The following DIAPH2 variants were observed in gnomAD, a reference collection of about 807,000 sequenced individuals.
DIAPH2 encodes the protein protein diaphanous homolog 2.
A neutral mutation model predicts 92.7 loss-of-function variants in DIAPH2; 35 were observed. That is an observed-to-expected ratio of 0.38 (90% CI 0.29 to 0.50). The LOEUF (loss-of-function observed/expected upper bound fraction) is 0.50. DIAPH2 is among the 20% of genes least tolerant of loss of function. The probability of loss-of-function intolerance (pLI) is 0.94; values close to 1 mark genes in which losing one functional copy is unlikely to be tolerated. For missense variants in DIAPH2, 701 were observed against 819.5 expected, an observed-to-expected ratio of 0.86 and a Z score of 1.77; for synonymous variants, 301 against 280.4, an observed-to-expected ratio of 1.07 and a Z score of -0.73.
intron 26 of DIAPH2, among the ~76,000 whole-genome samples, chrX:97,485,951 C>T (rs980028005): frequency 9.2e-6 from 1 of 108,186 alleles, no homozygotes; most frequent in African/African-American, 3.4e-5. Context: ...CCCACTTCTA[C>T]AAAAAAGTCT....
At chrX:97,297,273 A>G (rs1324400530) in intron 23 of DIAPH2, among the ~76,000 whole-genome samples, 2 of 109,105 alleles carry the variant, frequency 1.8e-5, no homozygotes, top group African/African-American at 6.7e-5. Flanking sequence ...CTTAAAGAGC[A>G]TATCCAAATG....
At chrX:96,744,031 G>C (rs1372431815) in intron 3 of DIAPH2, among the ~76,000 whole-genome samples, 2 of 111,316 alleles carry the variant, frequency 1.8e-5, no homozygotes, top group African/African-American at 6.5e-5. Flanking sequence ...AATATAATAG[G>C]ATATCAGAGA....
intron 4 of DIAPH2, among the ~76,000 whole-genome samples, chrX:96,875,465 T>C (rs1447239788): frequency 2.7e-5 from 3 of 112,101 alleles, no homozygotes; most frequent in Non-Finnish European, 5.6e-5. Context: ...AGTAAACTTA[T>C]TTAAATTTTT....
At chrX:96,757,206 C>T (rs527898784) in intron 3 of DIAPH2, among the ~76,000 whole-genome samples, 1 of 111,442 alleles carries the variant, frequency 9.0e-6, no homozygotes, top group African/African-American at 3.3e-5. Flanking sequence ...TGTGAGCCAC[C>T]GTGCCTGGCC....
At chrX:97,527,814 C>G (rs779714672) in intron 26 of DIAPH2, among the ~76,000 whole-genome samples, 24 of 111,876 alleles carry the variant, frequency 2.1e-4, no homozygotes, top group Middle Eastern at 4.6e-3. Flanking sequence ...GGCTCATGAG[C>G]ATTTTTGAAG....
intron 17 of DIAPH2, among the ~76,000 whole-genome samples, chrX:96,988,980 G>T (rs1217713923): frequency 1.8e-5 from 2 of 110,360 alleles, no homozygotes; most frequent in Non-Finnish European, 3.8e-5. Context: ...GTCCGAGGGG[G>T]ACTGAAAGTA....
At chrX:97,426,715 C>G (rs1488946231) in intron 25 of DIAPH2, among the ~76,000 whole-genome samples, 1 of 111,881 alleles carries the variant, frequency 8.9e-6, no homozygotes, top group African/African-American at 3.2e-5. Context: ...ATGCCCAGTA[C>G]AGTAACCACC....
intron 26 of DIAPH2, among the ~76,000 whole-genome samples, chrX:97,514,759 G>A (rs908731343): frequency 1.9e-5 from 2 of 108,017 alleles, no homozygotes; most frequent in Non-Finnish European, 3.9e-5. Context: ...GTCTGTTGGA[G>A]TACCCTGCAG....
At chrX:97,566,468 T>C (rs901085764) in intron 26 of DIAPH2, among the ~76,000 whole-genome samples, 11 of 112,032 alleles carry the variant, frequency 9.8e-5, no homozygotes, top group Non-Finnish European at 1.5e-4. Flanking sequence ...ATGCATGGAA[T>C]ACTTTGTGGA....
At chrX:97,220,563 C>A (rs1035241752) in intron 22 of DIAPH2, among the ~76,000 whole-genome samples, 4 of 111,209 alleles carry the variant, frequency 3.6e-5, no homozygotes, top group African/African-American at 1.3e-4. Context: ...CCAGAGGGGC[C>A]GTGGTAAAAT....
chrX:97,405,588 A>G (rs779404466), intron 25 of DIAPH2, among the ~76,000 whole-genome samples: 7 of 111,712 alleles, frequency 6.3e-5, no homozygotes, highest in Non-Finnish European at 1.3e-4. Context: ...TTAGAAAAAT[A>G]TTTTTAAATG....
At chrX:97,115,969 C>T (rs766260874) in intron 21 of DIAPH2, among the ~76,000 whole-genome samples, 19 of 111,598 alleles carry the variant, frequency 1.7e-4, no homozygotes, top group Admixed American at 8.6e-4. Context: ...AAGCTAGAGA[C>T]GAAAATAAAT....
intron 4 of DIAPH2, among the ~76,000 whole-genome samples, chrX:96,808,041 T>G (rs2064643816): frequency 9.7e-6 from 1 of 103,406 alleles, no homozygotes; most frequent in Non-Finnish European, 2.0e-5. Flanking sequence ...ATCTTTTATA[T>G]GAATTAAAAG....
intron 19 of DIAPH2, 96 bp from the exon 20 acceptor site, chrX:97,099,598 T>A (rs1225049331): frequency 2.0e-6 from 1 of 498,521 alleles, no homozygotes; most frequent in African/African-American, 2.5e-5. Flanking sequence ...CAGTCAGAAA[T>A]GTACTGTCCT....
At chrX:97,535,479 T>G (rs145558491) in intron 26 of DIAPH2, among the ~76,000 whole-genome samples, 1,534 of 111,673 alleles carry the variant, frequency 0.014, 24 homozygotes, top group African/African-American at 0.047. Flanking sequence ...TGAGACAGAG[T>G]CTCACTCTAT....
At chrX:97,203,580 G>C (rs2067771032) in intron 22 of DIAPH2, among the ~76,000 whole-genome samples, 1 of 111,840 alleles carries the variant, frequency 8.9e-6, no homozygotes, top group Admixed American at 9.5e-5. Context: ...AGAAGAAATA[G>C]ATAAGTTCCT....
At chrX:97,596,693 T>G (rs2071554224) in intron 26 of DIAPH2, among the ~76,000 whole-genome samples, 2 of 111,809 alleles carry the variant, frequency 1.8e-5, no homozygotes, top group Non-Finnish European at 3.8e-5. Flanking sequence ...ATTTGTCCTT[T>G]CCTCATAAAT....
At chrX:97,011,308 C>T (rs1378697788) in intron 17 of DIAPH2, among the ~76,000 whole-genome samples, 1 of 111,906 alleles carries the variant, frequency 8.9e-6, no homozygotes, top group Non-Finnish European at 1.9e-5. Context: ...TCCTTGCTCG[C>T]TTCATTTGTT....
At chrX:97,288,466 G>A (rs150204328) in intron 23 of DIAPH2, among the ~76,000 whole-genome samples, 1,634 of 111,043 alleles carry the variant, frequency 0.015, 13 homozygotes, top group Middle Eastern at 0.023. Context: ...TCTGCAGGCC[G>A]GTCGCAGTGG....
Sources: allele counts gnomAD v4.1 joint callset (sites outside exome capture counted in the v4.1 genomes callset), GRCh38; gene constraint gnomAD v4.1.1; transcripts MANE v1.5; gene names NCBI Gene and HGNC (gene_info 2026-07-23, HGNC 2026-07-21).